Variants in ANKRD30B observed in about 807,000 individuals in gnomAD.
ANKRD30B encodes ankyrin repeat domain 30B, also known as ankyrin repeat domain-containing protein 30B.
A neutral mutation model predicts 202.2 loss-of-function variants in ANKRD30B; 144 were observed. The observed-to-expected ratio is 0.71, with a 90% CI of 0.62 to 0.82. ANKRD30B has a LOEUF of 0.82. ANKRD30B is among the 40% of genes least tolerant of loss of function. The pLI is 0.00. For synonymous variants in ANKRD30B, 508 were observed against 561.3 expected (o/e 0.91, Z 1.34); for missense variants, 1,487 against 1,669.1 (o/e 0.89, Z 1.90).
At position 14,830,256 on chromosome 18, in the gene ANKRD30B, G is replaced by C. The variant is rs189485205; in HGVS notation, c.2775-1127G>C. 2.6e-5 allele frequency: 4 copies of C among 154,108 alleles called. 1 individual carries two copies. In the East Asian group the frequency reaches 5.9e-4, roughly 23 times the overall value. 9.5% of individuals were successfully genotyped at this position (154,108 alleles called of 1,614,324 possible). On this transcript the variant is annotated intron_variant, in intron 33 of 43. Coordinates refer to ENST00000690538, the MANE Select transcript of ANKRD30B (RefSeq NM_001367607.2). The stretch of plus-strand genomic sequence containing the variant: ...TTTCTCTCTGTATATATAGTACTTA[G>C]AGAAATCCAACTATCAGGACTCAGT...
rs920050227 is a variant in ANKRD30B at position 14,818,719 on chromosome 18, C to T, written c.2642-3764C>T. 2.4e-4 allele frequency among the ~76,000 whole-genome samples: 36 copies of T among 152,124 alleles called. No individual in the cohort carries two copies. The Middle Eastern group carries it at 0.014, about 57-fold the overall frequency. On this transcript the variant is annotated intron_variant, in intron 30 of 43. Coordinates refer to ENST00000690538, the MANE Select transcript of ANKRD30B (RefSeq NM_001367607.2). ...TCATTTTTTATGGCTGCATAGAATT[C>T]CATGGTGTATATGTGCCACATTTTC...
chr18:14,843,468 A>G (rs958713522), intron 39 of ANKRD30B, among the ~76,000 whole-genome samples: 2 of 151,520 alleles, frequency 1.3e-5, no homozygotes, highest in Admixed American at 6.6e-5. Context: ...TGACATGCCA[A>G]TTGTGTTTTA....
chr18:14,751,593 A>AAATACCT (rs1913467413), intron 1 of ANKRD30B, among the ~76,000 whole-genome samples: 2 of 152,274 alleles, frequency 1.3e-5, no homozygotes, highest in South Asian at 4.1e-4. Flanking sequence ...TAATCATCAA[A>AAATACCT]AATACCTAAT....
downstream of ANKRD30B, among the ~76,000 whole-genome samples, chr18:14,855,384 A>G (rs895293906): frequency 2.0e-5 from 3 of 152,338 alleles, no homozygotes; most frequent in Admixed American, 6.5e-5. Context: ...CAAAACTGCC[A>G]TCATCATCAT....
chr18:14,926,659 A>T, the ANKRD30B span, among the ~76,000 whole-genome samples: 1 of 152,338 alleles, frequency 6.6e-6, no homozygotes, highest in South Asian at 2.1e-4. Flanking sequence ...AGACATAAAA[A>T]TTAGAAGCAT....
At chr18:14,889,751 G>A in the ANKRD30B span, among the ~76,000 whole-genome samples, 2 of 149,912 alleles carry the variant, frequency 1.3e-5, no homozygotes, top group South Asian at 2.1e-4. Flanking sequence ...GATCCTTAGA[G>A]GTCAGCTGAT....
At chr18:14,940,858 A>G in the ANKRD30B span, among the ~76,000 whole-genome samples, 1 of 152,128 alleles carries the variant, frequency 6.6e-6, no homozygotes, top group African/African-American at 2.4e-5. Context: ...GCAGGAGTTG[A>G]GGGTGGGCAT....
chr18:14,815,903 T>G (rs1970073968), intron 30 of ANKRD30B, among the ~76,000 whole-genome samples: 1 of 152,166 alleles, frequency 6.6e-6, no homozygotes. Context: ...TGGCATACCG[T>G]TATGCCATAT....
At chr18:14,821,175 T>C (rs979490633) in intron 30 of ANKRD30B, among the ~76,000 whole-genome samples, 8 of 152,210 alleles carry the variant, frequency 5.3e-5, no homozygotes, top group African/African-American at 9.6e-5. Context: ...TATTCTCTGA[T>C]GGTAGTTTGT....
chr18:14,788,552 A>G (rs1184993504), intron 15 of ANKRD30B, among the ~76,000 whole-genome samples: 1 of 134,170 alleles, frequency 7.5e-6, no homozygotes, highest in African/African-American at 2.9e-5. Flanking sequence ...CGCTCCCCCC[A>G]CCCCACAACA....
chr18:14,880,793 TGCTA>T, the ANKRD30B span, among the ~76,000 whole-genome samples: 1 of 152,204 alleles, frequency 6.6e-6, no homozygotes, highest in Non-Finnish European at 1.5e-5. Context: ...TTGATTCCTT[TGCTA>T]GGTATATTCC....
the ANKRD30B span, among the ~76,000 whole-genome samples, chr18:14,934,328 G>A: frequency 6.6e-6 from 1 of 152,196 alleles, no homozygotes; most frequent in Non-Finnish European, 1.5e-5. Flanking sequence ...AGGGGAGCTG[G>A]GGAGTTCGAT....
At chr18:14,752,482 A>G in intron 1 of ANKRD30B, 84 bp from the exon 2 acceptor site, 1 of 969,426 alleles carries the variant, frequency 1.0e-6, no homozygotes, top group Non-Finnish European at 1.5e-6. Flanking sequence ...AGAGCATGGT[A>G]TTTAATGTTT....
chr18:14,839,890 A>T (rs1429318433), intron 36 of ANKRD30B, among the ~76,000 whole-genome samples: 1 of 152,172 alleles, frequency 6.6e-6, no homozygotes, highest in Non-Finnish European at 1.5e-5. Flanking sequence ...AACTATAATT[A>T]TGCATATGTC....
At chr18:14,903,686 T>A in the ANKRD30B span, 14 of 152,290 alleles carry the variant, frequency 9.2e-5, no homozygotes, top group African/African-American at 3.4e-4. Flanking sequence ...GCACGTTACA[T>A]CAGGGACCAC....
chr18:14,878,211 G>A, the ANKRD30B span, among the ~76,000 whole-genome samples: 1 of 152,116 alleles, frequency 6.6e-6, no homozygotes, highest in Non-Finnish European at 1.5e-5. Flanking sequence ...CTCCCTTTGT[G>A]GAACCGAGCA....
At position 14,748,294 on chromosome 18, in the gene ANKRD30B, G is replaced by C; in HGVS notation, c.-126G>C. 1.4e-6 allele frequency: 1 copy of C among 736,526 alleles called. No homozygotes were observed. Among genetic ancestry groups the C allele is most frequent in the Non-Finnish European group, 2.1e-6 (1 of 476,784 alleles). 45.6% of individuals were successfully genotyped at this position (736,526 alleles called of 1,614,324 possible). On this transcript the variant is annotated 5_prime_UTR_variant, in exon 1 of 44. Coordinates refer to ENST00000690538, the MANE Select transcript of ANKRD30B (RefSeq NM_001367607.2). The stretch of plus-strand genomic sequence containing the variant: ...TGGTGTTGGGGCGGGTGCGGGAACT[G>C]AAGACGGGCGAGTGCGAGCCGGGGG...
At chr18:14,807,795 G>GT (rs1413440817) in intron 24 of ANKRD30B, among the ~76,000 whole-genome samples, 1 of 150,930 alleles carries the variant, frequency 6.6e-6, no homozygotes. Context: ...GGTTTCCAAG[G>GT]TTCTGGAGAT....
At chr18:14,777,282 TA>T (rs1001177238) in intron 9 of ANKRD30B, among the ~76,000 whole-genome samples, 60 of 147,480 alleles carry the variant, frequency 4.1e-4, no homozygotes, top group Admixed American at 3.3e-3. Flanking sequence ...CCTTTAAAGT[TA>T]AAAAAAAGTT....
Sources: gnomAD v4.1 joint callset for allele counts (sites outside exome capture counted in the v4.1 genomes callset) on GRCh38, gnomAD v4.1.1 for gene constraint, MANE v1.5 for transcripts, NCBI Gene and HGNC (gene_info 2026-07-23, HGNC 2026-07-21) for gene names.